The following PDGFRB variants were observed in gnomAD, a reference collection of about 807,000 sequenced individuals.
PDGFRB encodes the protein platelet-derived growth factor receptor beta.
A neutral mutation model predicts 120.2 loss-of-function variants in PDGFRB; 42 were observed. That is an observed-to-expected ratio of 0.35 (90% CI 0.27 to 0.45). The LOEUF is 0.45. Ranked by LOEUF, PDGFRB falls within the 20% of genes least tolerant of loss-of-function variation. The pLI, the probability that PDGFRB is intolerant of heterozygous loss-of-function variation, is 1.00. For synonymous variants in PDGFRB, 586 were observed against 606.8 expected (o/e 0.97, Z 0.50); for missense variants, 1,149 against 1,476.3 (o/e 0.78, Z 3.63).
intron 14 of PDGFRB, among the ~76,000 whole-genome samples, chr5:150,123,663 A>T (rs150953472): frequency 1.3e-5 from 2 of 152,364 alleles, no homozygotes; most frequent in Admixed American, 6.5e-5. Flanking sequence ...ATCTACACAA[A>T]CGAAAATGTT....
chr5:150,135,911 CAG>C, intron 2 of PDGFRB, 33 bp from the exon 3 acceptor site: 8 of 1,459,062 alleles, frequency 5.5e-6, no homozygotes, highest in Non-Finnish European at 7.4e-6. Flanking sequence ...CATCAGGAAA[CAG>C]GGGCTTCAGC....
chr5:150,119,196 A>T lies in PDGFRB; in HGVS notation c.2798+271T>A, dbSNP rs1864974. On this transcript the variant is annotated intron_variant, in intron 20 of 22. Coordinates refer to ENST00000261799, the MANE Select transcript of PDGFRB (RefSeq NM_002609.4). ...GGTCAGCTCTGGGACTTTTGCTGGC[A>T]CTATGGAGCAAGCAGTAGGACATGA... is the stretch of plus-strand genomic sequence containing the variant. 0.23 allele frequency among the ~76,000 whole-genome samples: 35,062 copies of T among 152,064 alleles called. 5,125 individuals carry two copies. The highest frequency in any genetic ancestry group is 0.52 in the East Asian group (2,649 of 5,140).
intron 12 of PDGFRB, 62 bp from the exon 13 acceptor site, chr5:150,124,893 G>GGGGCCCCCCCCC: frequency 2.7e-6 from 2 of 752,558 alleles, no homozygotes; most frequent in Non-Finnish European, 4.3e-6. Flanking sequence ...TCCCCCAGCT[G>GGGGCCCCCCCCC]CCCCCCTCCC....
chr5:150,117,521 CCT>C, intron 22 of PDGFRB, 95 bp downstream of exon 22: 2 of 701,398 alleles, frequency 2.9e-6, no homozygotes, highest in South Asian at 1.8e-5. Flanking sequence ...CTGAGGCAAA[CCT>C]GGCAGCGCGC....
chr5:150,115,280 G>C lies in PDGFRB; in HGVS notation c.*483C>G. The C allele has an allele frequency of 4.3e-6, 1 of 233,344 alleles. No homozygotes were observed. Among genetic ancestry groups the C allele is most frequent in the Non-Finnish European group, 8.5e-6 (1 of 118,134 alleles). The allele number at this position is 233,344 out of a possible 1,614,324, so 14.5% of individuals were successfully genotyped here. Reference sequence around the variant, plus strand: ...GGCCCTAGCTCAGCCAGCAGCCAGGGAGGCTAGGGTCTCTTCCCTAGCTCC... The same window carrying C: ...GGCCCTAGCTCAGCCAGCAGCCAGGCAGGCTAGGGTCTCTTCCCTAGCTCC... On this transcript the variant is annotated 3_prime_UTR_variant, in exon 23 of 23. Transcript: ENST00000261799.
intron 1 of PDGFRB, among the ~76,000 whole-genome samples, chr5:150,141,268 G>A (rs748734822): frequency 3.3e-5 from 5 of 152,214 alleles, no homozygotes; most frequent in African/African-American, 1.2e-4. Flanking sequence ...CATACAACAT[G>A]CACAGAACAT....
At chr5:150,152,474 G>A (rs1375522480) in intron 1 of PDGFRB, among the ~76,000 whole-genome samples, 1 of 152,120 alleles carries the variant, frequency 6.6e-6, no homozygotes, top group African/African-American at 2.4e-5. Flanking sequence ...AGAAGACAGG[G>A]GGCACCAAAA....
chr5:150,118,671 C>T (rs924745527), intron 21 of PDGFRB, 76 bp downstream of exon 21: 21 of 902,426 alleles, frequency 2.3e-5, no homozygotes, highest in Admixed American at 9.0e-5. Context: ...CAGCCCATCA[C>T]GCAGAGCCTT....
At position 150,126,526 on chromosome 5, in the gene PDGFRB, C is replaced by A. The variant is rs2113898215; in HGVS notation, c.1668G>T (p.Trp556Cys). ...IISLIILIML[W>C]QKKPRYEIRW... ...GGGCCAGGGAGGGGCTTACCTTCTG[C>A]CAAAGCATGATGAGGATGATAAGGG... The change falls in exon 11 of 23, where the codon TGG becomes TGT. Residue 556 changes from tryptophan (W) to cysteine (C), a missense_variant. Around this residue, in one of 3 missense-constraint regions of PDGFRB, gnomAD observed 879 missense variants for 1,108.6 expected, o/e 0.79. Transcript: ENST00000261799. The A allele has an allele frequency of 6.3e-7, 1 of 1,586,460 alleles. No homozygotes were observed. Among genetic ancestry groups the A allele is most frequent in the Non-Finnish European group, 8.7e-7 (1 of 1,154,862 alleles).
At chr5:150,135,961 T>C in intron 2 of PDGFRB, 83 bp from the exon 3 acceptor site, 5 of 882,800 alleles carry the variant, frequency 5.7e-6, no homozygotes, top group South Asian at 5.6e-5. Flanking sequence ...AGGCCACGTA[T>C]GCACAGCCCT....
chr5:150,141,368 T>C (rs1192345927), intron 1 of PDGFRB, among the ~76,000 whole-genome samples: 2 of 152,242 alleles, frequency 1.3e-5, no homozygotes, highest in East Asian at 3.8e-4. Flanking sequence ...CCAGGAACCA[T>C]TCTGAGCATT....
intron 1 of PDGFRB, among the ~76,000 whole-genome samples, chr5:150,152,321 T>G (rs563843456): frequency 6.6e-6 from 1 of 152,158 alleles, no homozygotes; most frequent in Non-Finnish European, 1.5e-5. Context: ...AAAGCACAAT[T>G]GAAGTAGACA....
At chr5:150,130,741 C>A in intron 8 of PDGFRB, 79 bp from the exon 9 acceptor site, 1 of 1,264,528 alleles carries the variant, frequency 7.9e-7, no homozygotes, top group Non-Finnish European at 1.1e-6. Context: ...GAGGACCTGG[C>A]CCAGAGACTC....
At chr5:150,119,172 G>T (rs1172916383) in intron 20 of PDGFRB, among the ~76,000 whole-genome samples, 1 of 152,216 alleles carries the variant, frequency 6.6e-6, no homozygotes, top group African/African-American at 2.4e-5. Flanking sequence ...GCCCTTGAAG[G>T]TCAGCTCTGG....
At chr5:150,145,732 TAAA>T (rs953955025) in intron 1 of PDGFRB, among the ~76,000 whole-genome samples, 1 of 149,900 alleles carries the variant, frequency 6.7e-6, no homozygotes, top group African/African-American at 2.5e-5. Context: ...CAAGCTCAAA[TAAA>T]AAAAAATAAA....
chr5:150,123,497 G>A (rs1271099549), intron 14 of PDGFRB, among the ~76,000 whole-genome samples: 5 of 152,154 alleles, frequency 3.3e-5, no homozygotes, highest in Admixed American at 2.0e-4. Context: ...TGGCGAGCTC[G>A]CAGTGTTGGC....
Position 150,114,924 on chromosome 5 carries a change from C to T in PDGFRB, c.*839G>A, listed in dbSNP as rs1417475027. On this transcript the variant is annotated 3_prime_UTR_variant, in exon 23 of 23. Transcript: ENST00000261799. ...TACTGGCACACACACGTGGCCACTC[C>T]ACACTGGCACATTTACATTCTCATC... 4 of 233,166 alleles carry T rather than the reference C, an allele frequency of 1.7e-5. 1 individual carries two copies. Among genetic ancestry groups the T allele is most frequent in the Middle Eastern group, 2.5e-3 (2 of 812 alleles). 14.4% of individuals were successfully genotyped at this position (233,166 alleles called of 1,614,324 possible). A position where few individuals can be genotyped will look rare whatever the true frequency, so the allele number is the denominator to read the frequency against.
At position 150,114,213 on chromosome 5, in the gene PDGFRB, C is replaced by T. The variant is rs1442266483; in HGVS notation, c.*1550G>A. On this transcript the variant is annotated 3_prime_UTR_variant, in exon 23 of 23. Transcript: ENST00000261799. ...GGCTGGGGACAATGAGATGTCACTG[C>T]TAGGTCTGGGCAGTGACAAAACCAT... 4 of 233,114 alleles carry T rather than the reference C, an allele frequency of 1.7e-5. No individual in the cohort carries two copies. In the East Asian group the frequency reaches 1.8e-4, roughly 11 times the overall value. The allele number at this position is 233,114 out of a possible 1,614,324, so 14.4% of individuals were successfully genotyped here.
chr5:150,121,667 C>T lies in PDGFRB; in HGVS notation c.2344+213G>A, dbSNP rs1237495511. On this transcript the variant is annotated intron_variant, in intron 16 of 22. Transcript: ENST00000261799. The surrounding 1 kb of genome is among the most constrained non-coding windows in gnomAD (Gnocchi z 4.1). ...CTCCCATATCCCTGCTCTCTCCCTCCCTGAGGGTTCTACGCATGTTTCCGG... is the reference window on the plus strand; with the variant it reads ...CTCCCATATCCCTGCTCTCTCCCTCTCTGAGGGTTCTACGCATGTTTCCGG... 1.3e-5 allele frequency among the ~76,000 whole-genome samples: 2 copies of T among 152,218 alleles called. No individual in the cohort carries two copies. Among genetic ancestry groups the T allele is most frequent in the African/African-American group, 4.8e-5 (2 of 41,466 alleles).
Sources: gnomAD v4.1 joint callset for allele counts (sites outside exome capture counted in the v4.1 genomes callset) on GRCh38, gnomAD v4.1.1 for gene constraint, gnomAD v4.1.1 regional missense constraint, Gnocchi (gnomAD v3.1) non-coding constraint, MANE v1.5 for transcripts, NCBI Gene and HGNC (gene_info 2026-07-23, HGNC 2026-07-21) for gene names.